ZC2HC1B: variants seen among roughly 807,000 people sequenced by gnomAD.
The protein encoded by ZC2HC1B is zinc finger C2HC domain-containing protein 1B.
ZC2HC1B carries 36 observed loss-of-function variants against 31.0 expected under a neutral mutation model. The observed-to-expected ratio is 1.16, with a 90% CI of 0.89 to 1.54. ZC2HC1B has a LOEUF of 1.54. ZC2HC1B is among the 40% of genes most tolerant of loss of function. The pLI is 0.00. For missense variants in ZC2HC1B, 260 were observed against 268.6 expected (o/e 0.97, Z 0.22); for synonymous variants, 73 against 88.0 (o/e 0.83, Z 0.95).
rs1417156491 is a variant in ZC2HC1B, at chr6:143,877,344, G to A, written c.29-6960G>A. Among the ~76,000 whole-genome samples, 38 of 127,840 alleles carry A rather than the reference G, an allele frequency of 3.0e-4. 1 individual carries two copies. The highest frequency in any genetic ancestry group is 1.1e-3 in the East Asian group (5 of 4,568). The allele number at this position is 127,840 out of a possible 152,430, so 83.9% of individuals were successfully genotyped here. A position where few individuals can be genotyped will look rare whatever the true frequency, so the allele number is the denominator to read the frequency against. ...TTTGCCCAGCCTGGAGTGCAATGGC[G>A]CCATCTCAGTTCACCAAAACCTCCA... On this transcript the variant is annotated intron_variant, in intron 1 of 7. Coordinates refer to ENST00000237275, the MANE Select transcript of ZC2HC1B (RefSeq NM_001013623.3).
At position 143,905,289 on chromosome 6, in the gene ZC2HC1B, C is replaced by T. The variant is rs1777780864; in HGVS notation, c.598+2137C>T. ...ATTGTACAAATCTTTCACCTCATTG[C>T]TTAAGTTCATTCCTAAGTGTTCTTT... On this transcript the variant is annotated intron_variant, in intron 6 of 7. Coordinates refer to ENST00000237275, the MANE Select transcript of ZC2HC1B (RefSeq NM_001013623.3). This position sits in a 1 kb window ranked among gnomAD's most constrained non-coding sequence, Gnocchi z 4.2. Among the ~76,000 whole-genome samples the T allele has an allele frequency of 6.6e-6, 1 of 152,144 alleles. No individual in the cohort carries two copies. The highest frequency in any genetic ancestry group is 1.5e-5 in the Non-Finnish European group (1 of 68,008).
chr6:143,936,829 A>G (rs2128498277), intron 6 of ZC2HC1B, among the ~76,000 whole-genome samples: 1 of 152,316 alleles, frequency 6.6e-6, no homozygotes, highest in African/African-American at 2.4e-5. Context: ...TCTTTACCTA[A>G]TTTAGTTGTG....
chr6:143,872,184 C>T lies in ZC2HC1B; in HGVS notation c.28+7617C>T, dbSNP rs1469194759. Reference sequence around the variant, plus strand: ...AATGGAGTCCTTTTTCAAGGGGACCCGGCCTCCCCTTCATTCAAGCAGCTC... The same window carrying T: ...AATGGAGTCCTTTTTCAAGGGGACCTGGCCTCCCCTTCATTCAAGCAGCTC... On this transcript the variant is annotated intron_variant, in intron 1 of 7. Transcript: ENST00000237275. This position sits in a 1 kb window ranked among gnomAD's most constrained non-coding sequence, Gnocchi z 5.5. Among the ~76,000 whole-genome samples the T allele has an allele frequency of 1.3e-5, 2 of 152,124 alleles. No individual in the cohort carries two copies. The highest frequency in any genetic ancestry group is 4.8e-5 in the African/African-American group (2 of 41,420).
Position 143,874,594 on chromosome 6 carries a change from C to T in ZC2HC1B, c.29-9710C>T, listed in dbSNP as rs563766867. On this transcript the variant is annotated intron_variant, in intron 1 of 7. Transcript: ENST00000237275. Reference sequence around the variant, plus strand: ...GGCAGGAGGTGAAAGGCATTTCTTACATGGTGGCAGCAAGAGAAAATGAGG... The same window carrying T: ...GGCAGGAGGTGAAAGGCATTTCTTATATGGTGGCAGCAAGAGAAAATGAGG... Among the ~76,000 whole-genome samples the T allele has an allele frequency of 9.2e-5, 14 of 152,258 alleles. No homozygotes were observed. In the South Asian group the frequency reaches 2.5e-3, roughly 27 times the overall value.
intron 6 of ZC2HC1B, among the ~76,000 whole-genome samples, chr6:143,935,388 G>A (rs1258417104): frequency 6.6e-6 from 1 of 152,050 alleles, no homozygotes; most frequent in African/African-American, 2.4e-5. Flanking sequence ...GATGGTCAGG[G>A]CTGCTCAATC....
rs1777247231 is a variant in ZC2HC1B at position 143,865,501 on chromosome 6, A to C, written c.28+934A>C. ...AATCCTGCACGCATCCCTCCCCTGC[A>C]TCCTTGACCCTCCTTCCCTGGTTTA... On this transcript the variant is annotated intron_variant, in intron 1 of 7. Transcript: ENST00000237275. The surrounding 1 kb of genome is among the most constrained non-coding windows in gnomAD (Gnocchi z 4.4). 6.6e-6 allele frequency among the ~76,000 whole-genome samples: 1 copy of C among 152,172 alleles called. No homozygotes were observed. Among genetic ancestry groups the C allele is most frequent in the Admixed American group, 6.5e-5 (1 of 15,278 alleles).
chr6:143,886,215 G>T lies in ZC2HC1B; in HGVS notation c.210+64G>T. On this transcript the variant is annotated intron_variant, in intron 3 of 7. Transcript: ENST00000237275. The surrounding 1 kb of genome is among the most constrained non-coding windows in gnomAD (Gnocchi z 4.2). ...CTGCGGTACTGTAAGGCCTATTTCT[G>T]GGATTTCTGGTTTCATTTTTGCTTG... 1 of 1,368,184 alleles carries T rather than the reference G, an allele frequency of 7.3e-7. No homozygotes were observed. The highest frequency in any genetic ancestry group is 9.5e-7 in the Non-Finnish European group (1 of 1,057,548). 84.8% of individuals were successfully genotyped at this position (1,368,184 alleles called of 1,614,324 possible).
At chr6:143,866,044 T>C (rs1473019881) in intron 1 of ZC2HC1B, among the ~76,000 whole-genome samples, 8 of 152,146 alleles carry the variant, frequency 5.3e-5, no homozygotes, top group Non-Finnish European at 1.2e-4. Context: ...TCAAAACTCT[T>C]GACCTTATGA....
At chr6:143,893,002 G>GA (rs10580588) in intron 4 of ZC2HC1B, among the ~76,000 whole-genome samples, 1,775 of 132,514 alleles carry the variant, frequency 0.013, 38 homozygotes, top group African/African-American at 0.043. Context: ...GATGAATAAA[G>GA]AAAAAAAAAA....
In ZC2HC1B at chr6:143,895,068, A is replaced by T. The variant is rs906880838; in HGVS notation, c.350-3484A>T. ...CCAAATGATTATATGCACTCCCAAC[A>T]TTTTCACCACGGTTTGATGATTTTG... On this transcript the variant is annotated intron_variant, in intron 4 of 7. Coordinates refer to ENST00000237275, the MANE Select transcript of ZC2HC1B (RefSeq NM_001013623.3). The surrounding 1 kb of genome is among the most constrained non-coding windows in gnomAD (Gnocchi z 4.8). Among the ~76,000 whole-genome samples the T allele has an allele frequency of 6.6e-6, 1 of 152,144 alleles. No homozygotes were observed. The highest frequency in any genetic ancestry group is 6.5e-5 in the Admixed American group (1 of 15,276).
chr6:143,893,002 GAA>G (rs10580588), intron 4 of ZC2HC1B, among the ~76,000 whole-genome samples: 7,229 of 132,570 alleles, frequency 0.055, 255 homozygotes, highest in Admixed American at 0.089. Context: ...GATGAATAAA[GAA>G]AAAAAAAAAT....
chr6:143,919,215 CTCTG>C (rs1367615361), intron 6 of ZC2HC1B, among the ~76,000 whole-genome samples: 1,790 of 124,094 alleles, frequency 0.014, 14 homozygotes, highest in Middle Eastern at 0.02. Flanking sequence ...GTTTGCTATT[CTCTG>C]TGTGTGTGTG....
At chr6:143,874,084 C>T (rs1458669647) in intron 1 of ZC2HC1B, among the ~76,000 whole-genome samples, 15 of 152,136 alleles carry the variant, frequency 9.9e-5, no homozygotes, top group Non-Finnish European at 1.6e-4. Context: ...TGCTTTCCTG[C>T]TTAGAAATTT....
At chr6:143,866,750 G>A (rs1161291967) in intron 1 of ZC2HC1B, among the ~76,000 whole-genome samples, 4 of 152,164 alleles carry the variant, frequency 2.6e-5, no homozygotes, top group Admixed American at 6.5e-5. Context: ...TCTTGTTCCA[G>A]TTAAAGGGCA....
intron 6 of ZC2HC1B, among the ~76,000 whole-genome samples, chr6:143,929,230 C>T (rs1162493265): frequency 2.6e-5 from 4 of 152,082 alleles, no homozygotes; most frequent in African/African-American, 7.2e-5. Flanking sequence ...GTTTGTTATA[C>T]ATGGCTTTTA....
intron 4 of ZC2HC1B, among the ~76,000 whole-genome samples, chr6:143,888,523 G>A (rs939988627): frequency 4.0e-5 from 6 of 151,876 alleles, no homozygotes; most frequent in Non-Finnish European, 8.8e-5. Context: ...TCCAATCCAT[G>A]AACATGGGAT....
In ZC2HC1B at chr6:143,924,560, A is replaced by C. The variant is rs1369000464; in HGVS notation, c.599-13089A>C. Among the ~76,000 whole-genome samples the C allele has an allele frequency of 6.6e-6, 1 of 152,132 alleles. No individual in the cohort carries two copies. Among genetic ancestry groups the C allele is most frequent in the Admixed American group, 6.5e-5 (1 of 15,274 alleles). ...ATGACCCTATCTCTAAATAAATAAT[A>C]AAAATGAAGTGGTGGAACTGGGTAT... On this transcript the variant is annotated intron_variant, in intron 6 of 7. Coordinates refer to ENST00000237275, the MANE Select transcript of ZC2HC1B (RefSeq NM_001013623.3). This position sits in a 1 kb window ranked among gnomAD's most constrained non-coding sequence, Gnocchi z 5.2.
intron 6 of ZC2HC1B, among the ~76,000 whole-genome samples, chr6:143,906,240 C>T (rs1390477302): frequency 3.3e-5 from 5 of 152,082 alleles, no homozygotes; most frequent in Non-Finnish European, 5.9e-5. Context: ...ATATTCTATT[C>T]GTTCATGATT....
In ZC2HC1B at chr6:143,933,045, G is replaced by A. The variant is rs1778140403; in HGVS notation, c.599-4604G>A. Among the ~76,000 whole-genome samples the A allele has an allele frequency of 6.6e-6, 1 of 152,186 alleles. No homozygotes were observed. The highest frequency in any genetic ancestry group is 6.5e-5 in the Admixed American group (1 of 15,276). On this transcript the variant is annotated intron_variant, in intron 6 of 7. Coordinates refer to ENST00000237275, the MANE Select transcript of ZC2HC1B (RefSeq NM_001013623.3). This position sits in a 1 kb window ranked among gnomAD's most constrained non-coding sequence, Gnocchi z 6.4. The stretch of plus-strand genomic sequence containing the variant: ...ACCAGCACCTGTTCTGATGGAGGTG[G>A]CAGGGGAGTCAGGTAGACTCTGTGA...
Sources: gnomAD v4.1 joint callset for allele counts (sites outside exome capture counted in the v4.1 genomes callset) on GRCh38, gnomAD v4.1.1 for gene constraint, Gnocchi (gnomAD v3.1) non-coding constraint, MANE v1.5 for transcripts, NCBI Gene and HGNC (gene_info 2026-07-23, HGNC 2026-07-21) for gene names.